UCHL5: variants seen among roughly 807,000 people sequenced by gnomAD.
UCHL5 encodes ubiquitin C-terminal hydrolase L5.
In UCHL5, 34 loss-of-function variants were observed where a neutral mutation model predicts 53.8. That is an observed-to-expected ratio of 0.63 (90% CI 0.48 to 0.84). The LOEUF is 0.84. Among genes scored for constraint, UCHL5 ranks in the 40% least tolerant of loss-of-function variants. The pLI, the probability that UCHL5 is intolerant of heterozygous loss-of-function variation, is 0.00. For synonymous variants in UCHL5, 111 were observed against 126.3 expected (o/e 0.88, Z 0.81); for missense variants, 290 against 385.6 (o/e 0.75, Z 2.08).
Position 193,059,159 on chromosome 1 carries a change from C to A in UCHL5, c.76+26G>T. 1 of 1,554,718 alleles carries A rather than the reference C, an allele frequency of 6.4e-7. No homozygotes were observed. The highest frequency in any genetic ancestry group is 8.7e-7 in the Non-Finnish European group (1 of 1,147,360). ...TTGGGCCTCCTCCCGTGACCCCAGG[C>A]CCAGGACGGTCCCCTTGGTTCTCAC... is the stretch of plus-strand genomic sequence containing the variant. On this transcript the variant is annotated intron_variant, in intron 1 of 10. Coordinates refer to ENST00000367454, the MANE Select transcript of UCHL5 (RefSeq NM_001199261.3). The surrounding 1 kb of genome is among the most constrained non-coding windows in gnomAD (Gnocchi z 4.9).
At chr1:193,055,085 G>A (rs545893552) in intron 1 of UCHL5, among the ~76,000 whole-genome samples, 9 of 152,332 alleles carry the variant, frequency 5.9e-5, no homozygotes, top group African/African-American at 1.7e-4. Context: ...GCTATTTAGT[G>A]TAGAAAGAAG....
chr1:193,058,605 C>G (rs1025189935), intron 1 of UCHL5, among the ~76,000 whole-genome samples: 1 of 152,242 alleles, frequency 6.6e-6, no homozygotes, highest in African/African-American at 2.4e-5. Flanking sequence ...CAGAAATGAG[C>G]AGAGAGCGGA....
At chr1:193,022,805 C>T in intron 9 of UCHL5, 121 bp downstream of exon 9, 1 of 612,230 alleles carries the variant, frequency 1.6e-6, no homozygotes, top group East Asian at 3.1e-5. Flanking sequence ...AGAGAATCAA[C>T]AAATTATTTG....
intron 3 of UCHL5, among the ~76,000 whole-genome samples, chr1:193,048,044 A>T (rs1278123444): frequency 6.6e-6 from 1 of 152,162 alleles, no homozygotes; most frequent in African/African-American, 2.4e-5. Context: ...CAAATAAAGA[A>T]CTACTGCTGT....
chr1:193,033,499 A>G (rs1240350175), intron 3 of UCHL5, among the ~76,000 whole-genome samples: 2 of 152,068 alleles, frequency 1.3e-5, no homozygotes, highest in Non-Finnish European at 2.9e-5. Flanking sequence ...CACATTCTGC[A>G]CATGTATCTT....
chr1:193,022,824 TAA>T, intron 9 of UCHL5, 100 bp downstream of exon 9: 1 of 729,592 alleles, frequency 1.4e-6, no homozygotes, highest in Non-Finnish European at 2.3e-6. Context: ...TGAAATCTGG[TAA>T]ATGATAGGAG....
At chr1:193,025,678 T>C (rs1034353236) in intron 7 of UCHL5, among the ~76,000 whole-genome samples, 1 of 152,276 alleles carries the variant, frequency 6.6e-6, no homozygotes, top group East Asian at 1.9e-4. Context: ...TCCCACCTGG[T>C]GTAATGAGGT....
Position 193,015,954 on chromosome 1 carries a change from T to C in UCHL5, c.*397A>G, listed in dbSNP as rs1654835844. On this transcript the variant is annotated 3_prime_UTR_variant, in exon 11 of 11. Transcript: ENST00000367454. ...CAAAGATAGAAATACTGATTTTTTT[T>C]CCGTTAATGATGAGAAGAAATAAGA... 1 of 164,210 alleles carries C rather than the reference T, an allele frequency of 6.1e-6. No homozygotes were observed. Among genetic ancestry groups the C allele is most frequent in the Non-Finnish European group, 1.3e-5 (1 of 76,244 alleles). 10.2% of individuals were successfully genotyped at this position (164,210 alleles called of 1,614,324 possible).
At chr1:193,017,394 AG>A (rs1195625879) in intron 10 of UCHL5, among the ~76,000 whole-genome samples, 1 of 151,878 alleles carries the variant, frequency 6.6e-6, no homozygotes, top group East Asian at 1.9e-4. Context: ...ATTATTTAAC[AG>A]TATGATAAAA....
At chr1:193,053,223 A>G (rs1225569602) in intron 1 of UCHL5, among the ~76,000 whole-genome samples, 1 of 152,358 alleles carries the variant, frequency 6.6e-6, no homozygotes, top group South Asian at 2.1e-4. Context: ...CTATGTTTCT[A>G]TCAGTGTCAA....
rs944144912 is a variant in UCHL5 at position 193,016,185 on chromosome 1, AG to A, written c.*165del. The A allele has an allele frequency of 4.3e-6, 3 of 692,076 alleles. No homozygotes were observed. The African/African-American group carries it at 5.6e-5, about 13-fold the overall frequency. The allele number at this position is 692,076 out of a possible 1,614,324, so 42.9% of individuals were successfully genotyped here. A position where few individuals can be genotyped will look rare whatever the true frequency, so the allele number is the denominator to read the frequency against. On this transcript the variant is annotated 3_prime_UTR_variant, in exon 11 of 11. Transcript: ENST00000367454. Reference sequence around the variant, plus strand: ...AATATGCACTACATGCACATGATGCAGGTAGGGAAGAAGTTTATGAATCCAT... The same window carrying A: ...AATATGCACTACATGCACATGATGCAGTAGGGAAGAAGTTTATGAATCCAT...
At chr1:193,026,872 G>A (rs1006105998) in intron 7 of UCHL5, among the ~76,000 whole-genome samples, 1 of 152,004 alleles carries the variant, frequency 6.6e-6, no homozygotes, top group Non-Finnish European at 1.5e-5. Context: ...TGGATGAAGA[G>A]GCAAAAAGCT....
rs142251740 is a variant in UCHL5 at position 193,016,289 on chromosome 1, A to G, written c.*62T>C. 1.9e-6 allele frequency: 3 copies of G among 1,582,008 alleles called. No individual in the cohort carries two copies. The highest frequency in any genetic ancestry group is 2.6e-6 in the Non-Finnish European group (3 of 1,166,010). On this transcript the variant is annotated 3_prime_UTR_variant, in exon 11 of 11. Coordinates refer to ENST00000367454, the MANE Select transcript of UCHL5 (RefSeq NM_001199261.3). ...TAGGATGTTGCTCTAAGTTCTTTAT[A>G]CATAATGGTTTCCATGAAAATATGT...
In UCHL5 at chr1:193,014,108, A is replaced by T. The variant is rs553319159; in HGVS notation, c.*2243T>A. On this transcript the variant is annotated 3_prime_UTR_variant, in exon 11 of 11. Transcript: ENST00000367454. ...CAAGATTTTCTATAAAATATCATTT[A>T]AAAAAAACTTTCCAAATAGCATTTA... The T allele has an allele frequency of 1.2e-4, 19 of 152,172 alleles. 1 individual carries two copies. In the South Asian group the frequency reaches 3.5e-3, roughly 28 times the overall value. 9.4% of individuals were successfully genotyped at this position (152,172 alleles called of 1,614,324 possible).
At chr1:193,020,465 G>A in intron 10 of UCHL5, 1 of 1,531,372 alleles carries the variant, frequency 6.5e-7, no homozygotes, top group East Asian at 2.5e-5. Flanking sequence ...ATCTGGGGAG[G>A]GGCCAGGTAA....
rs921750302 is a variant in UCHL5 at position 193,018,596 on chromosome 1, T to C, written c.943-2201A>G. The C allele has an allele frequency of 8.1e-6, 10 of 1,237,602 alleles. 1 individual carries two copies. The South Asian group carries it at 2.3e-4, about 29-fold the overall frequency. The allele number at this position is 1,237,602 out of a possible 1,614,324, so 76.7% of individuals were successfully genotyped here. ...TTATAGGTTCTAACCAAGTTCATTA[T>C]AGCCATGCCGAGGGAGAATCACTTT... On this transcript the variant is annotated intron_variant, in intron 10 of 10. Transcript: ENST00000367454.
Position 193,012,269 on chromosome 1 carries a change from G to A in UCHL5, c.*4082C>T, listed in dbSNP as rs938641213. On this transcript the variant is annotated 3_prime_UTR_variant, in exon 11 of 11. Transcript: ENST00000367454. ...TGAGACTTTCCCCACTGGTTTTATG[G>A]TTTATTCAATATTATATTATCATTG... 9 of 151,912 alleles carry A rather than the reference G, an allele frequency of 5.9e-5. No homozygotes were observed. Among genetic ancestry groups the A allele is most frequent in the Non-Finnish European group, 1.3e-4 (9 of 67,990 alleles). The allele number at this position is 151,912 out of a possible 1,614,324, so 9.4% of individuals were successfully genotyped here.
At chr1:193,054,657 ACACTTGCTT>A (rs1219780944) in intron 1 of UCHL5, among the ~76,000 whole-genome samples, 1 of 152,174 alleles carries the variant, frequency 6.6e-6, no homozygotes, top group East Asian at 1.9e-4. Flanking sequence ...ATAGGAAGCA[ACACTTGCTT>A]CCAGGGGCAC....
At chr1:193,039,931 A>C (rs549277253) in intron 3 of UCHL5, among the ~76,000 whole-genome samples, 3 of 152,332 alleles carry the variant, frequency 2.0e-5, no homozygotes, top group African/African-American at 7.2e-5. Context: ...TTCTGGGAAA[A>C]CTGGATAACC....
Sources: allele counts gnomAD v4.1 joint callset (sites outside exome capture counted in the v4.1 genomes callset), GRCh38; gene constraint gnomAD v4.1.1; non-coding constraint Gnocchi (gnomAD v3.1); transcripts MANE v1.5; gene names NCBI Gene and HGNC (gene_info 2026-07-23, HGNC 2026-07-21).